The following PICALM variants were observed in gnomAD, a reference collection of about 807,000 sequenced individuals.
PICALM encodes the protein phosphatidylinositol-binding clathrin assembly protein.
A neutral mutation model predicts 80.5 loss-of-function variants in PICALM; 40 were observed. The observed-to-expected ratio is 0.50, with a 90% CI of 0.39 to 0.65. The LOEUF (loss-of-function observed/expected upper bound fraction) is 0.65. Ranked by LOEUF, PICALM falls within the 30% of genes least tolerant of loss-of-function variation. PICALM has a pLI of 0.00. For missense variants in PICALM, 676 were observed against 778.9 expected, an observed-to-expected ratio of 0.87 and a Z score of 1.57; for synonymous variants, 288 against 260.3, an observed-to-expected ratio of 1.11 and a Z score of -1.02.
chr11:86,045,157 T>C lies in PICALM; in HGVS notation c.131-13546A>G, dbSNP rs186250551. On this transcript the variant is annotated intron_variant, in intron 1 of 19. Transcript: ENST00000393346. ...TTAATACATTATTAATATATCACTA[T>C]AAAATAAAGCCATTAATAAATCACT... 7.9e-5 allele frequency among the ~76,000 whole-genome samples: 12 copies of C among 152,306 alleles called. No individual in the cohort carries two copies. The East Asian group carries it at 2.1e-3, about 27-fold the overall frequency.
chr11:86,002,549 A>C (rs1298856670), intron 9 of PICALM, among the ~76,000 whole-genome samples: 1 of 152,242 alleles, frequency 6.6e-6, no homozygotes, highest in Non-Finnish European at 1.5e-5. Context: ...AATTAGCTTA[A>C]AACATAATAA....
At chr11:86,037,236 C>A (rs1274449918) in intron 1 of PICALM, among the ~76,000 whole-genome samples, 2 of 144,498 alleles carry the variant, frequency 1.4e-5, no homozygotes, top group African/African-American at 2.6e-5. Context: ...TGAGCCACCA[C>A]ACCCAGCCAA....
At chr11:86,067,440 C>G (rs1197410595) in intron 1 of PICALM, among the ~76,000 whole-genome samples, 1 of 152,046 alleles carries the variant, frequency 6.6e-6, no homozygotes, top group Non-Finnish European at 1.5e-5. Flanking sequence ...GAGCTTTGTA[C>G]CCTGGGGTAA....
Position 86,004,335 on chromosome 11 carries a change from G to A in PICALM, c.808-884C>T, listed in dbSNP as rs576497051. Among the ~76,000 whole-genome samples, 73 of 152,178 alleles carry A rather than the reference G, an allele frequency of 4.8e-4. No homozygotes were observed. In the South Asian group the frequency reaches 0.012, roughly 25 times the overall value. On this transcript the variant is annotated intron_variant, in intron 8 of 19. Transcript: ENST00000393346. ...CAAAAGTAAATACTTGTATGATTAC[G>A]CTTATATTAAGAACCAACAAAATTA...
At chr11:86,018,610 C>A (rs1339218613) in intron 4 of PICALM, among the ~76,000 whole-genome samples, 1 of 152,022 alleles carries the variant, frequency 6.6e-6, no homozygotes, top group African/African-American at 2.4e-5. Context: ...GGATTGAGGC[C>A]AGATGAGGTG....
intron 1 of PICALM, among the ~76,000 whole-genome samples, chr11:86,061,681 G>C (rs962057599): frequency 3.4e-4 from 51 of 152,188 alleles, no homozygotes; most frequent in African/African-American, 1.0e-3. Context: ...CACTTTGAAA[G>C]ACAGTTTAGA....
chr11:85,981,522 G>T (rs2094442034), intron 16 of PICALM, among the ~76,000 whole-genome samples: 2 of 151,960 alleles, frequency 1.3e-5, no homozygotes, highest in Admixed American at 6.6e-5. Flanking sequence ...CAGAAGAACG[G>T]CGTGAATCCG....
At position 86,014,963 on chromosome 11, in the gene PICALM, C is replaced by T. The variant is rs779752380; in HGVS notation, c.453G>A (p.Gly151=). ...VAFDFTKVKR[G]ADGVMRTMNT... is the part of the protein sequence containing the mutation. ...TCATTGTTCTCATAACTCCATCAGC[C>T]CTGTTATGAAAAAACCAGAGAAATA... The change falls in exon 5 of 20, where the codon GGG becomes GGA. Residue 151 remains glycine (G), a splice_region_variant and synonymous_variant. Transcript: ENST00000393346. The T allele has an allele frequency of 3.8e-6, 6 of 1,558,760 alleles. No individual in the cohort carries two copies. Among genetic ancestry groups the T allele is most frequent in the Admixed American group, 1.8e-5 (1 of 54,716 alleles).
chr11:86,051,795 A>C (rs1006496566), intron 1 of PICALM, among the ~76,000 whole-genome samples: 1 of 152,198 alleles, frequency 6.6e-6, no homozygotes, highest in African/African-American at 2.4e-5. Flanking sequence ...GTGAGCTAAG[A>C]AGCTCCCCTT....
At chr11:86,049,002 A>C (rs115948658) in intron 1 of PICALM, among the ~76,000 whole-genome samples, 353 of 152,100 alleles carry the variant, frequency 2.3e-3, no homozygotes, top group African/African-American at 8.3e-3. Flanking sequence ...CGTAAAGAAC[A>C]AATCAGAGGG....
chr11:86,040,265 A>G (rs936641716), intron 1 of PICALM, among the ~76,000 whole-genome samples: 2 of 152,198 alleles, frequency 1.3e-5, no homozygotes, highest in Admixed American at 1.3e-4. Flanking sequence ...TGAATGTAAA[A>G]TGAGTCAAAT....
intron 5 of PICALM, among the ~76,000 whole-genome samples, chr11:86,014,499 C>T (rs1432138205): frequency 6.6e-6 from 1 of 152,162 alleles, no homozygotes. Context: ...GAATAATTGC[C>T]ATGCTTTGAG....
intron 3 of PICALM, among the ~76,000 whole-genome samples, chr11:86,025,285 A>G (rs942212703): frequency 3.9e-5 from 6 of 152,036 alleles, no homozygotes; most frequent in Non-Finnish European, 8.8e-5. Flanking sequence ...GGGTAGTCCC[A>G]GCTACTCGGG....
intron 1 of PICALM, among the ~76,000 whole-genome samples, chr11:86,036,175 T>G (rs2095840535): frequency 6.6e-6 from 1 of 152,172 alleles, no homozygotes; most frequent in African/African-American, 2.4e-5. Context: ...CAAAATTGTT[T>G]TAAGTATTTC....
At chr11:86,000,833 A>G in intron 10 of PICALM, 54 bp from the exon 11 acceptor site, 1 of 1,572,154 alleles carries the variant, frequency 6.4e-7, no homozygotes, top group Non-Finnish European at 8.6e-7. Context: ...TTCTTTGTAC[A>G]GCCTCTGAAA....
At chr11:85,990,629 CAAA>C (rs888432934) in intron 12 of PICALM, among the ~76,000 whole-genome samples, 7 of 152,084 alleles carry the variant, frequency 4.6e-5, no homozygotes, top group Admixed American at 4.6e-4. Flanking sequence ...GTTAACACCA[CAAA>C]GCCAACAGTC....
At chr11:85,961,379 T>C (rs2093683215) in intron 19 of PICALM, among the ~76,000 whole-genome samples, 1 of 152,230 alleles carries the variant, frequency 6.6e-6, no homozygotes, top group Non-Finnish European at 1.5e-5. Flanking sequence ...GGTCACCTAC[T>C]GTAACTGTCC....
chr11:85,988,171 G>GA (rs1174174784), intron 13 of PICALM, among the ~76,000 whole-genome samples: 1 of 152,076 alleles, frequency 6.6e-6, no homozygotes, highest in Admixed American at 6.6e-5. Context: ...CTACCACACT[G>GA]GCCTTGAACA....
chr11:85,976,726 G>A (rs1364339233), intron 17 of PICALM, 44 bp from the exon 18 acceptor site: 1 of 1,152,790 alleles, frequency 8.7e-7, no homozygotes, highest in Admixed American at 1.7e-5. Flanking sequence ...TATAACTCAT[G>A]TGTGTCAACT....
Sources: allele counts gnomAD v4.1 joint callset (sites outside exome capture counted in the v4.1 genomes callset), GRCh38; gene constraint gnomAD v4.1.1; transcripts MANE v1.5; gene names NCBI Gene and HGNC (gene_info 2026-07-23, HGNC 2026-07-21).